Variants in ANKFN1 observed in about 807,000 individuals in gnomAD.
ANKFN1 encodes the protein ankyrin repeat and fibronectin type III domain containing 1.
Under a neutral mutation model 108.7 loss-of-function variants are expected in ANKFN1, and 74 were observed. The ratio of observed to expected loss-of-function variants is 0.68; its 90% CI spans 0.56 to 0.83. The LOEUF (loss-of-function observed/expected upper bound fraction) is 0.83, where lower values mean the gene tolerates loss of function less well. ANKFN1 is among the 40% of genes least tolerant of loss of function. ANKFN1 has a pLI of 0.00. For missense variants in ANKFN1, 1,505 were observed against 1,382.3 expected, an observed-to-expected ratio of 1.09 and a Z score of -1.41; for synonymous variants, 547 against 516.2, an observed-to-expected ratio of 1.06 and a Z score of -0.81.
At chr17:56,069,856 G>T (rs933049455) in intron 4 of ANKFN1, among the ~76,000 whole-genome samples, 4 of 152,170 alleles carry the variant, frequency 2.6e-5, no homozygotes, top group African/African-American at 9.7e-5. Context: ...CTGCTGGTTG[G>T]TCATTTTTAT....
intron 4 of ANKFN1, among the ~76,000 whole-genome samples, chr17:56,110,744 C>T (rs2143248554): frequency 6.6e-6 from 1 of 152,326 alleles, no homozygotes; most frequent in African/African-American, 2.4e-5. Context: ...TAACAATGTA[C>T]TCACCCCAAC....
intron 15 of ANKFN1, among the ~76,000 whole-genome samples, chr17:56,470,703 G>A (rs965522186): frequency 6.6e-6 from 1 of 152,020 alleles, no homozygotes; most frequent in Non-Finnish European, 1.5e-5. Flanking sequence ...AATAATCTAC[G>A]AATCCCTAGG....
intron 18 of ANKFN1, among the ~76,000 whole-genome samples, chr17:56,486,728 T>C (rs1182252965): frequency 1.3e-5 from 2 of 152,202 alleles, no homozygotes; most frequent in Non-Finnish European, 2.9e-5. Flanking sequence ...GAGAATGTTT[T>C]TGGAAATTCA....
At chr17:56,496,679 C>T (rs1366186245) in intron 19 of ANKFN1, among the ~76,000 whole-genome samples, 2 of 151,956 alleles carry the variant, frequency 1.3e-5, no homozygotes, top group African/African-American at 4.8e-5. Flanking sequence ...AATTAGGATC[C>T]ACAGAGAAAA....
intron 15 of ANKFN1, among the ~76,000 whole-genome samples, chr17:56,468,849 A>C (rs752444816): frequency 2.6e-5 from 4 of 152,198 alleles, no homozygotes; most frequent in Admixed American, 6.5e-5. Context: ...AGGTGGGGGC[A>C]GGGAACACAG....
At chr17:56,227,832 A>C (rs1462740974) in intron 2 of ANKFN1, 85 bp from the exon 3 acceptor site, 2 of 1,027,078 alleles carry the variant, frequency 1.9e-6, no homozygotes, top group African/African-American at 3.3e-5. Context: ...TTTTTCAATC[A>C]GTGGCTTCAA....
intron 3 of ANKFN1, among the ~76,000 whole-genome samples, chr17:56,235,857 G>T (rs963714074): frequency 2.0e-5 from 3 of 152,100 alleles, no homozygotes; most frequent in Non-Finnish European, 4.4e-5. Flanking sequence ...GGTTCCATAT[G>T]AATTTTGAAA....
At chr17:56,155,066 G>T (rs1386865584) in intron 1 of ANKFN1, among the ~76,000 whole-genome samples, 1 of 152,192 alleles carries the variant, frequency 6.6e-6, no homozygotes, top group Non-Finnish European at 1.5e-5. Flanking sequence ...AGGAGGGTTT[G>T]GGAGAGGGAG....
chr17:56,322,985 A>C (rs1215447118), intron 3 of ANKFN1, among the ~76,000 whole-genome samples: 1 of 152,210 alleles, frequency 6.6e-6, no homozygotes, highest in African/African-American at 2.4e-5. Flanking sequence ...AATTTTACTG[A>C]GCACTTACTA....
intron 6 of ANKFN1, among the ~76,000 whole-genome samples, chr17:56,362,508 T>C (rs1363381495): frequency 6.6e-6 from 1 of 152,142 alleles, no homozygotes; most frequent in Non-Finnish European, 1.5e-5. Context: ...AAGAGAATAG[T>C]CTCTTCAATA....
At chr17:56,129,674 A>G (rs933548671) in intron 4 of ANKFN1, among the ~76,000 whole-genome samples, 1 of 152,154 alleles carries the variant, frequency 6.6e-6, no homozygotes, top group Non-Finnish European at 1.5e-5. Flanking sequence ...ATTATTTTAA[A>G]TGTATATTGT....
chr17:56,052,778 G>A (rs1276945323), intron 4 of ANKFN1, among the ~76,000 whole-genome samples: 1 of 152,056 alleles, frequency 6.6e-6, no homozygotes, highest in African/African-American at 2.4e-5. Context: ...CCTCTTACAG[G>A]TTTAAAAATT....
In ANKFN1 at chr17:56,457,188, A is replaced by G. The variant is rs1326605536; in HGVS notation, c.1308-69A>G. The G allele has an allele frequency of 4.9e-6, 7 of 1,433,280 alleles. No homozygotes were observed. In the East Asian group the frequency reaches 1.6e-4, roughly 33 times the overall value. 88.8% of individuals were successfully genotyped at this position (1,433,280 alleles called of 1,614,324 possible). On this transcript the variant is annotated intron_variant, in intron 12 of 20. Transcript: ENST00000682825. ...TAGGTATATTTTAAATTCATCTTTT[A>G]TCACATCCAAAAAAATATTTTTCCA...
At chr17:56,493,986 C>CA (rs1439887883) in intron 19 of ANKFN1, among the ~76,000 whole-genome samples, 2 of 152,078 alleles carry the variant, frequency 1.3e-5, no homozygotes, top group African/African-American at 2.4e-5. Flanking sequence ...TGAGAGAATT[C>CA]AATGAGATAA....
intron 4 of ANKFN1, among the ~76,000 whole-genome samples, chr17:56,075,821 G>A (rs1281776294): frequency 6.6e-6 from 1 of 152,122 alleles, no homozygotes; most frequent in Non-Finnish European, 1.5e-5. Flanking sequence ...TTCTCAAACA[G>A]AAGTTAACTG....
intron 4 of ANKFN1, among the ~76,000 whole-genome samples, chr17:56,097,113 G>A (rs1905549696): frequency 1.3e-5 from 2 of 152,052 alleles, no homozygotes; most frequent in African/African-American, 4.8e-5. Flanking sequence ...GGAGGAGGGT[G>A]AACATCAAAA....
chr17:56,370,523 C>G (rs909387287), intron 6 of ANKFN1, among the ~76,000 whole-genome samples: 4 of 152,112 alleles, frequency 2.6e-5, no homozygotes, highest in Non-Finnish European at 5.9e-5. Context: ...GCATGCAATT[C>G]AAACATCAGG....
chr17:56,336,913 T>C (rs1211646334), intron 4 of ANKFN1, among the ~76,000 whole-genome samples: 3 of 152,210 alleles, frequency 2.0e-5, no homozygotes, highest in East Asian at 1.9e-4. Flanking sequence ...GATTCTGGTA[T>C]GTTGTGTCTT....
chr17:56,514,892 G>A lies in ANKFN1; in HGVS notation c.*3623G>A, dbSNP rs1404740010. 6.6e-6 allele frequency among the ~76,000 whole-genome samples: 1 copy of A among 152,100 alleles called. No homozygotes were observed. Among genetic ancestry groups the A allele is most frequent in the Non-Finnish European group, 1.5e-5 (1 of 68,020 alleles). On this transcript the variant is annotated 3_prime_UTR_variant, in exon 21 of 21. Coordinates refer to ENST00000682825, the MANE Select transcript of ANKFN1 (RefSeq NM_001370326.1). ...GCCAGAGAAGTGGAAAAGAGGACTG[G>A]ACCCTCGTTCATTGTTATCCTGCCA... is the stretch of plus-strand genomic sequence containing the variant.
Sources: gnomAD v4.1 joint callset for allele counts (sites outside exome capture counted in the v4.1 genomes callset) on GRCh38, gnomAD v4.1.1 for gene constraint, MANE v1.5 for transcripts, NCBI Gene and HGNC (gene_info 2026-07-23, HGNC 2026-07-21) for gene names.